RPS11: variants seen among roughly 807,000 people sequenced by gnomAD.
RPS11 encodes the protein ribosomal protein S11.
For synonymous variants in RPS11, 107 were observed against 78.0 expected, an observed-to-expected ratio of 1.37 and a Z score of -1.96; for missense variants, 127 against 211.4, an observed-to-expected ratio of 0.60 and a Z score of 2.48.
At chr19:49,498,619 A>G (rs2079919335) in intron 4 of RPS11, among the ~76,000 whole-genome samples, 2 of 152,134 alleles carry the variant, frequency 1.3e-5, no homozygotes, top group East Asian at 3.9e-4. Context: ...GTGTGGTAGC[A>G]TGTGCCTGTA....
At chr19:49,499,373 T>C in intron 4 of RPS11, 139 bp from the exon 5 acceptor site, 1 of 876,840 alleles carries the variant, frequency 1.1e-6, no homozygotes, top group Non-Finnish European at 1.8e-6. Flanking sequence ...AGGGGACAGG[T>C]TGAATTGGCG....
intron 2 of RPS11, 66 bp downstream of exon 2, chr19:49,497,391 G>T (rs1221220426): frequency 2.5e-6 from 4 of 1,608,176 alleles, no homozygotes; most frequent in Non-Finnish European, 3.4e-6. Flanking sequence ...ACGACGAGTT[G>T]CCCTGCCTGC....
chr19:49,498,588 C>CA (rs1328532876), intron 4 of RPS11, among the ~76,000 whole-genome samples: 1 of 152,104 alleles, frequency 6.6e-6, no homozygotes, highest in African/African-American at 2.4e-5. Context: ...CCTCTCTCTA[C>CA]AAAAAATACA....
At chr19:49,496,552 G>C in intron 1 of RPS11, 81 bp downstream of exon 1, 1 of 1,447,830 alleles carries the variant, frequency 6.9e-7, no homozygotes. Flanking sequence ...GAGCCCGGCG[G>C]CCAAGTTCGG....
At chr19:49,497,396 G>A (rs2517976) in intron 2 of RPS11, 71 bp downstream of exon 2, 5 of 1,605,700 alleles carry the variant, frequency 3.1e-6, no homozygotes, top group Admixed American at 3.4e-5. Flanking sequence ...GAGTTGCCCT[G>A]CCTGCATCTA....
chr19:49,496,468 T>C lies in RPS11; in HGVS notation c.12T>C (p.Ile4=). ...AGGCGGCCGGGAAGATGGCGGACATTCAGGTGCGGACTCGGGGTTGGATGC... is the reference window on the plus strand; with the variant it reads ...AGGCGGCCGGGAAGATGGCGGACATCCAGGTGCGGACTCGGGGTTGGATGC... MAD[I]QTERAYQKQP... is the part of the protein sequence containing the mutation. The change falls in exon 1 of 5, where the codon ATT becomes ATC. Residue 4 remains isoleucine, a synonymous_variant. Transcript: ENST00000270625. 2 of 1,611,580 alleles carry C rather than the reference T, an allele frequency of 1.2e-6. No homozygotes were observed. The highest frequency in any genetic ancestry group is 1.7e-6 in the Non-Finnish European group (2 of 1,178,994).
rs149491225 is a variant in RPS11 at position 49,497,217 on chromosome 19, G to A, written c.39G>A (p.Gln13=). 7.1e-4 allele frequency: 1,147 copies of A among 1,614,032 alleles called. 2 individuals carry two copies. Among genetic ancestry groups the A allele is most frequent in the Non-Finnish European group, 8.8e-4 (1,035 of 1,180,030 alleles). The change falls in exon 2 of 5, where the codon CAG becomes CAA. Residue 13 remains glutamine (Q), a synonymous_variant. Coordinates refer to ENST00000270625, the MANE Select transcript of RPS11 (RefSeq NM_001015.5). The part of the protein sequence containing the change: ...DIQTERAYQK[Q]PTIFQNKKRV... ...AGACTGAGCGTGCCTACCAAAAGCAGCCGACCATCTTTCAAAACAAGAAGA... is the reference window on the plus strand; with the variant it reads ...AGACTGAGCGTGCCTACCAAAAGCAACCGACCATCTTTCAAAACAAGAAGA...
rs376993949 is a variant in RPS11 at position 49,497,179 on chromosome 19, C to T, written c.16-15C>T. 2.0e-5 allele frequency: 32 copies of T among 1,611,474 alleles called. No individual in the cohort carries two copies. The Admixed American group carries it at 2.2e-4, about 11-fold the overall frequency. ...AAACTTAGCAGCTCATCAGTTTTCT[C>T]CTCATAATCTGTAGACTGAGCGTGC... On this transcript the variant is annotated splice_polypyrimidine_tract_variant and intron_variant, in intron 1 of 4. Coordinates refer to ENST00000270625, the MANE Select transcript of RPS11 (RefSeq NM_001015.5).
Position 49,499,692 on chromosome 19 carries a change from C to G in RPS11, c.*57C>G, listed in dbSNP as rs1191750840. The G allele has an allele frequency of 5.7e-6, 9 of 1,583,588 alleles. No individual in the cohort carries two copies. The highest frequency in any genetic ancestry group is 7.8e-6 in the Non-Finnish European group (9 of 1,159,580). ...ATAAAGTTATTTTCTCATTCCCAGG[C>G]CAGACTTGGGATCTTCCGCGCCTTT... On this transcript the variant is annotated 3_prime_UTR_variant, in exon 5 of 5. Coordinates refer to ENST00000270625, the MANE Select transcript of RPS11 (RefSeq NM_001015.5).
At chr19:49,497,432 T>C (rs2079912164) in intron 2 of RPS11, 88 bp from the exon 3 acceptor site, 2 of 1,593,218 alleles carry the variant, frequency 1.3e-6, no homozygotes, top group Non-Finnish European at 1.7e-6. Flanking sequence ...TGCTGGGAAT[T>C]GTAGTTGCTT....
Position 49,497,571 on chromosome 19 carries a change from T to G in RPS11, c.199T>G (p.Ser67Ala), listed in dbSNP as rs775668639. ...GAAATGCCCCTTCACTGGTAATGTGTCCATTCGAGGGCGGATCCTCTCTGG... is the reference window on the plus strand; with the variant it reads ...GAAATGCCCCTTCACTGGTAATGTGGCCATTCGAGGGCGGATCCTCTCTGG... ...DKKCPFTGNV[S>A]IRGRILSGVV... Residue 67 changes from serine to alanine, a missense_variant, in exon 3 of 5, where the codon TCC becomes GCC. Transcript: ENST00000270625. The G allele has an allele frequency of 1.3e-5, 21 of 1,613,982 alleles. No homozygotes were observed. The East Asian group carries it at 4.7e-4, about 36-fold the overall frequency.
chr19:49,497,377 G>A, intron 2 of RPS11, 52 bp downstream of exon 2: 4 of 1,611,642 alleles, frequency 2.5e-6, no homozygotes, highest in African/African-American at 1.3e-5. Flanking sequence ...CTGCACGTGT[G>A]CCCACGACGA....
In RPS11 at chr19:49,497,552, C is replaced by T. The variant is rs772136231; in HGVS notation, c.180C>T (p.Cys60=). 1.9e-6 allele frequency: 3 copies of T among 1,613,838 alleles called. No individual in the cohort carries two copies. In the South Asian group the frequency reaches 3.3e-5, roughly 18 times the overall value. The change falls in exon 3 of 5, where the codon TGC becomes TGT. Residue 60 remains cysteine, a synonymous_variant. Transcript: ENST00000270625. ...AIEGTYIDKK[C]PFTGNVSIRG... ...AGGGCACCTACATTGACAAGAAATG[C>T]CCCTTCACTGGTAATGTGTCCATTC...
chr19:49,497,459 C>T (rs913210458), intron 2 of RPS11, 61 bp from the exon 3 acceptor site: 22 of 1,599,754 alleles, frequency 1.4e-5, no homozygotes, highest in Middle Eastern at 1.7e-4. Context: ...GGCCACGCCC[C>T]TGGCTCTTTT....
intron 4 of RPS11, among the ~76,000 whole-genome samples, chr19:49,498,920 T>C (rs1445885016): frequency 6.6e-6 from 1 of 152,106 alleles, no homozygotes; most frequent in East Asian, 1.9e-4. Context: ...CATGTTTTAG[T>C]TAGAGCTTAT....
Position 49,497,269 on chromosome 19 carries a change from G to A in RPS11, c.91G>A (p.Glu31Lys), listed in dbSNP as rs1450329637. The change falls in exon 2 of 5, where the codon GAG (glutamate) becomes AAG (lysine). Residue 31 changes from glutamate to lysine, a missense_variant. Transcript: ENST00000270625. Reference protein sequence around the residue: ...KRVLLGETGKEKLPRYYKNIG... With the variant: ...KRVLLGETGKKKLPRYYKNIG... ...GGTCCTGCTGGGAGAAACTGGCAAG[G>A]AGAAGCTCCCGCGGTACTACAAGAA... 1.1e-5 allele frequency: 18 copies of A among 1,614,142 alleles called. No homozygotes were observed. The highest frequency in any genetic ancestry group is 1.5e-5 in the Non-Finnish European group (18 of 1,180,030).
rs2079924080 is a variant in RPS11 at position 49,499,506 on chromosome 19, C to T, written c.354-6C>T. The T allele has an allele frequency of 6.2e-7, 1 of 1,612,670 alleles. No individual in the cohort carries two copies. The highest frequency in any genetic ancestry group is 1.1e-5 in the South Asian group (1 of 91,016). ...CCTGAGGACATGGCCCTACCTGCCT[C>T]CACAGGGACGTCCAGATCGGTGACA... On this transcript the variant is annotated splice_region_variant and splice_polypyrimidine_tract_variant and intron_variant, in intron 4 of 4. Coordinates refer to ENST00000270625, the MANE Select transcript of RPS11 (RefSeq NM_001015.5).
chr19:49,498,237 C>A, intron 4 of RPS11, 191 bp downstream of exon 4: 1 of 627,054 alleles, frequency 1.6e-6, no homozygotes, highest in Non-Finnish European at 2.7e-6. Context: ...ATATCTCTAC[C>A]TGAAATGCTT....
chr19:49,497,116 TCTGGGAAGGTCTCTAGGG>T, intron 1 of RPS11, 60 bp from the exon 2 acceptor site: 2 of 1,557,610 alleles, frequency 1.3e-6, no homozygotes, highest in Non-Finnish European at 1.7e-6. Flanking sequence ...TCTGGGAGGT[TCTGGGAAGGTCTCTAGGG>T]CTGGTTGGCT....
Sources: gnomAD v4.1 joint callset for allele counts (sites outside exome capture counted in the v4.1 genomes callset) on GRCh38, gnomAD v4.1.1 for gene constraint, MANE v1.5 for transcripts, NCBI Gene and HGNC (gene_info 2026-07-23, HGNC 2026-07-21) for gene names.